C1QTNF1: variants seen among roughly 807,000 people sequenced by gnomAD.
C1QTNF1 encodes complement C1q tumor necrosis factor-related protein 1.
C1QTNF1 carries 22 observed loss-of-function variants against 27.8 expected under a neutral mutation model. That is an observed-to-expected ratio of 0.79 (90% CI 0.56 to 1.13). The LOEUF (loss-of-function observed/expected upper bound fraction) is 1.13, where lower values mean the gene tolerates loss of function less well. Ranked by LOEUF, C1QTNF1 falls within the 50% of genes most tolerant of loss-of-function variation. The pLI is 0.00. For missense variants in C1QTNF1, 373 were observed against 380.2 expected (o/e 0.98, Z 0.16); for synonymous variants, 166 against 154.3 (o/e 1.08, Z -0.56).
chr17:79,033,814 G>GGA (rs1316624674), intron 1 of C1QTNF1, among the ~76,000 whole-genome samples: 1 of 152,172 alleles, frequency 6.6e-6, no homozygotes, highest in Non-Finnish European at 1.5e-5. Flanking sequence ...CTAAACACTG[G>GGA]GAGACAGTGT....
chr17:79,043,370 G>C, intron 1 of C1QTNF1: 2 of 454,018 alleles, frequency 4.4e-6, no homozygotes, highest in Non-Finnish European at 4.4e-6. Flanking sequence ...GAGTGCATGT[G>C]TGTGGACTGT....
In C1QTNF1 at chr17:79,043,781, T is replaced by C. The variant is rs537993631; in HGVS notation, c.-14-174T>C. On this transcript the variant is annotated intron_variant, in intron 1 of 3. Coordinates refer to ENST00000579760, the MANE Select transcript of C1QTNF1 (RefSeq NM_030968.5). ...GTGAGTGCGTGTATGCATGCATGGG[T>C]GTGTGAGAGTGATTGTCCTCCCAGA... The C allele has an allele frequency of 5.7e-4, 413 of 725,380 alleles. 3 individuals carry two copies. The Middle Eastern group carries it at 0.016, about 27-fold the overall frequency. The allele number at this position is 725,380 out of a possible 1,614,324, so 44.9% of individuals were successfully genotyped here.
rs148088702 is a variant in C1QTNF1 at position 79,035,719 on chromosome 17, C to T, written c.-14-8236C>T. On this transcript the variant is annotated intron_variant, in intron 1 of 3. Coordinates refer to ENST00000579760, the MANE Select transcript of C1QTNF1 (RefSeq NM_030968.5). ...GTGCTGGGATTATAGGCGTGAGCCA[C>T]CATACCTGGCCTGAATCCAATTCTT... Among the ~76,000 whole-genome samples, 308 of 152,330 alleles carry T rather than the reference C, an allele frequency of 2.0e-3. 7 individuals are homozygous for T. In the East Asian group the frequency reaches 0.024, roughly 12 times the overall value.
At chr17:79,024,103 G>C (rs1400854586), upstream of C1QTNF1, 1 of 152,026 alleles carries the variant, frequency 6.6e-6, no homozygotes, top group Admixed American at 6.6e-5. Context: ...GGGCACACAC[G>C]GTTAATCCTC....
At chr17:79,043,752 C>T (rs758671332) in intron 1 of C1QTNF1, 6 of 678,790 alleles carry the variant, frequency 8.8e-6, no homozygotes, top group Non-Finnish European at 1.1e-5. Context: ...CACGTGAGTG[C>T]GTCGTGAGTG....
chr17:79,047,666 A>G lies in C1QTNF1; in HGVS notation c.424A>G (p.Lys142Glu), dbSNP rs1314912525. The change falls in exon 4 of 4, where the codon AAG becomes GAG. Residue 142 changes from lysine to glutamate, a missense_variant. Coordinates refer to ENST00000579760, the MANE Select transcript of C1QTNF1 (RefSeq NM_030968.5). Reference sequence around the variant, plus strand: ...CATGGGGGCCCCTGGGGAGCGGTGCAAGAGCCACTACGCCGCCTTTTCGGT... The same window carrying G: ...CATGGGGGCCCCTGGGGAGCGGTGCGAGAGCCACTACGCCGCCTTTTCGGT... ...GSMGAPGERC[K>E]SHYAAFSVGR... The G allele has an allele frequency of 3.7e-6, 6 of 1,613,702 alleles. No homozygotes were observed. The highest frequency in any genetic ancestry group is 5.1e-6 in the Non-Finnish European group (6 of 1,179,734).
chr17:79,043,555 A>G (rs1331120853), intron 1 of C1QTNF1: 1 of 434,504 alleles, frequency 2.3e-6, no homozygotes, highest in East Asian at 7.0e-5. Context: ...GAGACTGTGC[A>G]TGTGTATTGT....
intron 2 of C1QTNF1, among the ~76,000 whole-genome samples, chr17:79,045,685 G>A (rs915849839): frequency 6.6e-6 from 1 of 152,220 alleles, no homozygotes; most frequent in African/African-American, 2.4e-5. Context: ...AGAAAGAGAA[G>A]ATTCCAGGGG....
chr17:79,033,472 A>C lies in C1QTNF1; in HGVS notation c.-15+8978A>C, dbSNP rs919821462. Among the ~76,000 whole-genome samples, 5 of 152,154 alleles carry C rather than the reference A, an allele frequency of 3.3e-5. No individual in the cohort carries two copies. The South Asian group carries it at 1.0e-3, about 32-fold the overall frequency. On this transcript the variant is annotated intron_variant, in intron 1 of 3. Coordinates refer to ENST00000579760, the MANE Select transcript of C1QTNF1 (RefSeq NM_030968.5). ...CGCTGATAATCCTACCCGCTTTGGGAGGCCAAGGCTGGAGGATTGCTTGAG... is the reference window on the plus strand; with the variant it reads ...CGCTGATAATCCTACCCGCTTTGGGCGGCCAAGGCTGGAGGATTGCTTGAG...
intron 1 of C1QTNF1, among the ~76,000 whole-genome samples, chr17:79,040,767 G>T (rs1157898217): frequency 6.6e-6 from 1 of 151,186 alleles, no homozygotes; most frequent in Non-Finnish European, 1.5e-5. Context: ...AGCTGGGTGT[G>T]GTAGTGCATA....
chr17:79,044,116 G>C lies in C1QTNF1; in HGVS notation c.148G>C (p.Ala50Pro). ...TEELPSPPDH[A>P]ERAEEQHEKY... ...GGAGCTGCCGTCGCCTCCGGACCAT[G>C]CCGAGAGGTGAGGGGCCACGAGGGT... The change falls in exon 2 of 4, where the codon GCC (alanine) becomes CCC (proline). Residue 50 changes from alanine to proline, a missense_variant. By Grantham distance (27) the Ala-to-Pro change is conservative. Coordinates refer to ENST00000579760, the MANE Select transcript of C1QTNF1 (RefSeq NM_030968.5). 6.2e-7 allele frequency: 1 copy of C among 1,607,504 alleles called. No homozygotes were observed.
chr17:79,042,585 C>T (rs2072443152), intron 1 of C1QTNF1, among the ~76,000 whole-genome samples: 2 of 152,258 alleles, frequency 1.3e-5, no homozygotes, highest in Non-Finnish European at 2.9e-5. Context: ...TTCCTACCCA[C>T]CTACCCACCG....
chr17:79,030,479 C>CT (rs1207214054), intron 1 of C1QTNF1, among the ~76,000 whole-genome samples: 1 of 110,012 alleles, frequency 9.1e-6, no homozygotes, highest in African/African-American at 3.5e-5. Flanking sequence ...TTCTTTCTTT[C>CT]TTTCTTTTTC....
chr17:79,028,341 T>C (rs762796103), intron 1 of C1QTNF1, among the ~76,000 whole-genome samples: 1 of 152,162 alleles, frequency 6.6e-6, no homozygotes. Flanking sequence ...CCCTCTGCCC[T>C]GGGGAGCAGG....
At chr17:79,023,029 T>C (rs1455265608), upstream of C1QTNF1, 2 of 152,414 alleles carry the variant, frequency 1.3e-5, no homozygotes, top group African/African-American at 4.8e-5. Context: ...TCCTTTTTGA[T>C]TCTTTTCATC....
At chr17:79,032,664 C>T (rs546550087) in intron 1 of C1QTNF1, among the ~76,000 whole-genome samples, 54 of 152,238 alleles carry the variant, frequency 3.5e-4, no homozygotes, top group Admixed American at 3.4e-3. Flanking sequence ...GGCCCGGGAC[C>T]CCGCGTGATG....
At chr17:79,043,730 T>C (rs1406342816) in intron 1 of C1QTNF1, 7 of 645,658 alleles carry the variant, frequency 1.1e-5, no homozygotes, top group African/African-American at 3.9e-5. Flanking sequence ...TGTGTGTGCA[T>C]GTGCGTGTGT....
intron 1 of C1QTNF1, chr17:79,043,573 T>C (rs1052296694): frequency 4.6e-6 from 2 of 437,438 alleles, no homozygotes; most frequent in Non-Finnish European, 9.2e-6. Flanking sequence ...TGTGTGTACA[T>C]GTGTGTGGAT....
chr17:79,046,562 GAAC>G lies in C1QTNF1; in HGVS notation c.168_170del (p.Gln56del). 1 of 1,614,204 alleles carries G rather than the reference GAAC, an allele frequency of 6.2e-7. No homozygotes were observed. The highest frequency in any genetic ancestry group is 8.5e-7 in the Non-Finnish European group (1 of 1,180,044). On this transcript the variant is annotated inframe_deletion, in exon 3 of 4. Transcript: ENST00000579760. The surrounding 1 kb of genome is among the most constrained non-coding windows in gnomAD (Gnocchi z 4.8). ...GATTCTTTATTCCCTCAGGGCTGAA[GAAC>G]AACATGAAAAATACAGGCCCAGTCA...
Sources: allele counts gnomAD v4.1 joint callset (sites outside exome capture counted in the v4.1 genomes callset), GRCh38; gene constraint gnomAD v4.1.1; non-coding constraint Gnocchi (gnomAD v3.1); transcripts MANE v1.5; gene names NCBI Gene and HGNC (gene_info 2026-07-23, HGNC 2026-07-21).